The following HPSE2 variants were observed in gnomAD, a reference collection of about 807,000 sequenced individuals.
HPSE2 encodes heparanase 2 (inactive).
A neutral mutation model predicts 60.5 loss-of-function variants in HPSE2; 38 were observed. The ratio of observed to expected loss-of-function variants is 0.63; its 90% CI spans 0.48 to 0.82. The LOEUF is 0.82. Among genes scored for constraint, HPSE2 ranks in the 40% least tolerant of loss-of-function variants. The pLI, the probability that HPSE2 is intolerant of heterozygous loss-of-function variation, is 0.00. For missense variants in HPSE2, 713 were observed against 740.4 expected (o/e 0.96, Z 0.43); for synonymous variants, 295 against 293.2 (o/e 1.01, Z -0.06).
intron 3 of HPSE2, among the ~76,000 whole-genome samples, chr10:99,130,563 G>A (rs112004527): frequency 9.9e-5 from 15 of 152,108 alleles, no homozygotes; most frequent in African/African-American, 1.7e-4. Flanking sequence ...ACCAAGAGAC[G>A]GCTAACGCTC....
At chr10:99,311,151 TA>T in the HPSE2 span, among the ~76,000 whole-genome samples, 1 of 152,146 alleles carries the variant, frequency 6.6e-6, no homozygotes, top group Non-Finnish European at 1.5e-5. Context: ...ATTTAAAAAA[TA>T]AAAAAGTCTT....
chr10:99,227,146 T>C (rs1849499244), intron 2 of HPSE2, among the ~76,000 whole-genome samples: 1 of 152,074 alleles, frequency 6.6e-6, no homozygotes, highest in South Asian at 2.1e-4. Context: ...ATTAATTACT[T>C]CATCTGTGGA....
At chr10:98,821,765 A>G (rs1951429945) in intron 3 of HPSE2, among the ~76,000 whole-genome samples, 1 of 152,174 alleles carries the variant, frequency 6.6e-6, no homozygotes, top group Non-Finnish European at 1.5e-5. Flanking sequence ...ATTCAATTCA[A>G]CTTCCCTCTG....
intron 9 of HPSE2, among the ~76,000 whole-genome samples, chr10:98,603,553 C>G (rs889190812): frequency 6.6e-6 from 1 of 151,734 alleles, no homozygotes. Flanking sequence ...CCACAGCCTC[C>G]CGAGTAGCTG....
At chr10:99,315,029 C>CCTTA in the HPSE2 span, among the ~76,000 whole-genome samples, 1 of 152,156 alleles carries the variant, frequency 6.6e-6, no homozygotes, top group Non-Finnish European at 1.5e-5. Flanking sequence ...CTTCCATGCA[C>CCTTA]CTTAGCAAGA....
chr10:98,639,319 A>C (rs1406438882), intron 7 of HPSE2, among the ~76,000 whole-genome samples: 3 of 152,174 alleles, frequency 2.0e-5, no homozygotes, highest in African/African-American at 7.2e-5. Context: ...TGGCTTAATA[A>C]ATGGCTGTTT....
At position 98,610,961 on chromosome 10, in the gene HPSE2, T is replaced by C. The variant is rs1945739252; in HGVS notation, c.1320+3943A>G. On this transcript the variant is annotated intron_variant, in intron 9 of 11. Coordinates refer to ENST00000370552, the MANE Select transcript of HPSE2 (RefSeq NM_021828.5). ...AACCCTCTCTGAGGAGAAATGCCCA[T>C]GACTGGTGGGGTCTGGACTATGTCC... Among the ~76,000 whole-genome samples, 3 of 152,206 alleles carry C rather than the reference T, an allele frequency of 2.0e-5. No individual in the cohort carries two copies. The South Asian group carries it at 6.2e-4, about 32-fold the overall frequency.
chr10:99,301,146 T>C, the HPSE2 span, among the ~76,000 whole-genome samples: 1 of 152,222 alleles, frequency 6.6e-6, no homozygotes, highest in South Asian at 2.1e-4. Context: ...TTTTTGCTTT[T>C]GAATGAACTG....
intron 6 of HPSE2, among the ~76,000 whole-genome samples, chr10:98,650,176 T>C (rs1012698337): frequency 3.3e-5 from 5 of 152,202 alleles, no homozygotes; most frequent in African/African-American, 1.2e-4. Flanking sequence ...CCATGTCTTC[T>C]TAGTAGTGTC....
At chr10:99,305,964 C>CAA in the HPSE2 span, among the ~76,000 whole-genome samples, 3 of 64,400 alleles carry the variant, frequency 4.7e-5, no homozygotes, top group East Asian at 1.6e-3. Context: ...CACACACACG[C>CAA]GCGCGCGCGC....
At chr10:98,593,443 C>T (rs1267156710) in intron 9 of HPSE2, among the ~76,000 whole-genome samples, 1 of 147,844 alleles carries the variant, frequency 6.8e-6, no homozygotes. Flanking sequence ...GGGGATCCAA[C>T]GAAGGTTTTT....
intron 3 of HPSE2, among the ~76,000 whole-genome samples, chr10:99,118,535 A>C (rs1227213581): frequency 6.6e-6 from 1 of 151,358 alleles, no homozygotes; most frequent in African/African-American, 2.4e-5. Flanking sequence ...AAAAAAAAAA[A>C]AAAAAACCAT....
intron 4 of HPSE2, among the ~76,000 whole-genome samples, chr10:98,722,287 C>G (rs561613294): frequency 2.2e-4 from 33 of 149,868 alleles, no homozygotes; most frequent in Non-Finnish European, 4.0e-4. Flanking sequence ...GTTCAGATAC[C>G]CAGACACAGA....
intron 4 of HPSE2, among the ~76,000 whole-genome samples, chr10:98,726,846 G>C (rs1281035963): frequency 6.6e-6 from 1 of 151,968 alleles, no homozygotes; most frequent in African/African-American, 2.4e-5. Flanking sequence ...TGAAACCTAG[G>C]ACACTTATAA....
the HPSE2 span, among the ~76,000 whole-genome samples, chr10:99,251,470 G>A: frequency 5.1e-5 from 2 of 39,594 alleles, no homozygotes; most frequent in Non-Finnish European, 1.9e-4. Context: ...TCGAGGAGGA[G>A]GGACTCCTCC....
chr10:99,191,869 G>C (rs1262025435), intron 2 of HPSE2, among the ~76,000 whole-genome samples: 4 of 152,072 alleles, frequency 2.6e-5, no homozygotes, highest in Non-Finnish European at 5.9e-5. Context: ...GAAACTCCAA[G>C]AAATTCAAGA....
intron 5 of HPSE2, among the ~76,000 whole-genome samples, chr10:98,708,737 G>T (rs1948607697): frequency 3.3e-5 from 5 of 152,112 alleles, no homozygotes; most frequent in Admixed American, 3.3e-4. Context: ...AACAAAATAT[G>T]CATTTCCAAA....
chr10:99,285,865 A>C, the HPSE2 span, among the ~76,000 whole-genome samples: 1 of 151,684 alleles, frequency 6.6e-6, no homozygotes, highest in Non-Finnish European at 1.5e-5. Context: ...GCAGAGGTTG[A>C]AGTGAGCTGA....
chr10:99,082,657 T>C (rs970765595), intron 3 of HPSE2, among the ~76,000 whole-genome samples: 13 of 152,348 alleles, frequency 8.5e-5, no homozygotes, highest in African/African-American at 3.1e-4. Flanking sequence ...TGAGATTTTA[T>C]CATCTTTGTT....
Sources: allele counts gnomAD v4.1 joint callset (sites outside exome capture counted in the v4.1 genomes callset), GRCh38; gene constraint gnomAD v4.1.1; transcripts MANE v1.5; gene names NCBI Gene and HGNC (gene_info 2026-07-23, HGNC 2026-07-21).